MFSD1: variants seen among roughly 807,000 people sequenced by gnomAD.
MFSD1 encodes lysosomal dipeptide transporter MFSD1.
MFSD1 carries 59 observed loss-of-function variants against 67.1 expected under a neutral mutation model. The observed-to-expected ratio is 0.88, with a 90% CI of 0.71 to 1.09. The LOEUF (loss-of-function observed/expected upper bound fraction) is 1.09. Ranked by LOEUF, MFSD1 falls within the 50% of genes least tolerant of loss-of-function variation. MFSD1 has a pLI of 0.00. For synonymous variants in MFSD1, 213 were observed against 200.3 expected, an observed-to-expected ratio of 1.06 and a Z score of -0.54; for missense variants, 552 against 566.1, an observed-to-expected ratio of 0.97 and a Z score of 0.25.
chr3:158,809,467 C>G, intron 6 of MFSD1, among the ~76,000 whole-genome samples, 180 bp downstream of exon 6: 1 of 152,066 alleles, frequency 6.6e-6, no homozygotes, highest in Non-Finnish European at 1.5e-5. Context: ...AACCTTATTT[C>G]ATCTAGTAAA....
At chr3:158,825,965 C>A in intron 13 of MFSD1, 50 bp from the exon 14 acceptor site, 1 of 1,409,686 alleles carries the variant, frequency 7.1e-7, no homozygotes, top group South Asian at 1.2e-5. Flanking sequence ...ACATAGGAAT[C>A]ATTGAGAAGA....
At chr3:158,809,320 T>C (rs756980384) in intron 6 of MFSD1, 33 bp downstream of exon 6, 1 of 1,359,732 alleles carries the variant, frequency 7.4e-7, no homozygotes, top group South Asian at 1.2e-5. Flanking sequence ...TGAAGCCAAA[T>C]GGAAGCAAAA....
chr3:158,806,208 A>G (rs1213782151), intron 3 of MFSD1, among the ~76,000 whole-genome samples: 1 of 152,234 alleles, frequency 6.6e-6, no homozygotes, highest in East Asian at 1.9e-4. Flanking sequence ...AAAATTTTTG[A>G]AGAGTTAAAA....
chr3:158,805,381 C>T lies in MFSD1; in HGVS notation c.236C>T (p.Thr79Met), dbSNP rs140699673. Reference protein sequence around the residue: ...QVKRDMQVNTTKFMLLYAWYS... With the variant: ...QVKRDMQVNTMKFMLLYAWYS... ...ATATAGGATATGCAAGTGAATACCACGAAATTCATGCTGCTGTATGCCTGG... is the reference window on the plus strand; with the variant it reads ...ATATAGGATATGCAAGTGAATACCATGAAATTCATGCTGCTGTATGCCTGG... The change falls in exon 3 of 16, where the codon ACG (threonine) becomes ATG (methionine). Residue 79 changes from threonine to methionine, a missense_variant. By Grantham distance (81) the Thr-to-Met change is moderately conservative. Coordinates refer to ENST00000415822, the MANE Select transcript of MFSD1 (RefSeq NM_022736.4). 938 of 1,613,752 alleles carry T rather than the reference C, an allele frequency of 5.8e-4. 1 individual carries two copies. The highest frequency in any genetic ancestry group is 7.4e-4 in the Non-Finnish European group (870 of 1,179,796).
At chr3:158,817,247 A>C (rs1417876414) in intron 7 of MFSD1, among the ~76,000 whole-genome samples, 1 of 152,196 alleles carries the variant, frequency 6.6e-6, no homozygotes, top group East Asian at 1.9e-4. Flanking sequence ...AGTGCTGGCC[A>C]GGGCAATTAG....
At chr3:158,824,739 GT>G (rs1730868427) in intron 13 of MFSD1, among the ~76,000 whole-genome samples, 1 of 152,150 alleles carries the variant, frequency 6.6e-6, no homozygotes, top group South Asian at 2.1e-4. Context: ...TATAAATTGT[GT>G]TTATCTGAAA....
chr3:158,824,433 G>T, intron 13 of MFSD1, 197 bp downstream of exon 13: 2 of 516,246 alleles, frequency 3.9e-6, no homozygotes, highest in South Asian at 2.7e-5. Context: ...TGATTGAGTT[G>T]GTTTCATATT....
chr3:158,802,359 C>G, intron 1 of MFSD1, 44 bp downstream of exon 1: 1 of 1,606,154 alleles, frequency 6.2e-7, no homozygotes, highest in South Asian at 1.1e-5. Flanking sequence ...AAGGAATTCC[C>G]GACTTTCTCT....
Position 158,814,048 on chromosome 3 carries a change from C to G in MFSD1, c.633C>G (p.Leu211=). The stretch of plus-strand genomic sequence containing the variant: ...TAGGTTCTGCTGGTCACACAACCCT[C>G]GGGATCACACTTATGATTGGTGAGT... ...ALLGSAGHTT[L]GITLMIGGIT... Residue 211 remains leucine (L), a synonymous_variant, in exon 7 of 16, where the codon CTC becomes CTG. Coordinates refer to ENST00000415822, the MANE Select transcript of MFSD1 (RefSeq NM_022736.4). The G allele has an allele frequency of 6.2e-7, 1 of 1,613,396 alleles. No homozygotes were observed. The highest frequency in any genetic ancestry group is 8.5e-7 in the Non-Finnish European group (1 of 1,179,518).
At position 158,829,203 on chromosome 3, in the gene MFSD1, T is replaced by C; in HGVS notation, c.*221T>C. The C allele has an allele frequency of 2.7e-6, 1 of 373,548 alleles. No individual in the cohort carries two copies. The allele number at this position is 373,548 out of a possible 1,614,324, so 23.1% of individuals were successfully genotyped here. A position where few individuals can be genotyped will look rare whatever the true frequency, so the allele number is the denominator to read the frequency against. ...AAGAATTCTACTTTTAGTAGGCTAA[T>C]CAACAATGAAAGGGTTAGAAAATTG... On this transcript the variant is annotated 3_prime_UTR_variant, in exon 16 of 16. Transcript: ENST00000415822.
At chr3:158,808,994 C>G in intron 5 of MFSD1, 185 bp from the exon 6 acceptor site, 1 of 477,752 alleles carries the variant, frequency 2.1e-6, no homozygotes, top group Non-Finnish European at 3.7e-6. Flanking sequence ...TGGGATCACA[C>G]TGTCTCATTT....
chr3:158,827,237 A>T, intron 14 of MFSD1, 43 bp from the exon 15 acceptor site: 1 of 1,268,858 alleles, frequency 7.9e-7, no homozygotes, highest in South Asian at 1.4e-5. Context: ...TTACTTACTG[A>T]TAATACTTAT....
chr3:158,811,622 A>G (rs1166451777), intron 6 of MFSD1, among the ~76,000 whole-genome samples: 5 of 152,188 alleles, frequency 3.3e-5, no homozygotes, highest in Non-Finnish European at 7.3e-5. Flanking sequence ...GGCAAGGGGG[A>G]AACTATAGGC....
intron 1 of MFSD1, 89 bp from the exon 2 acceptor site, chr3:158,804,229 GC>G (rs1729603557): frequency 7.2e-6 from 6 of 835,364 alleles, no homozygotes; most frequent in Non-Finnish European, 9.5e-6. Context: ...CGTAGTATCA[GC>G]ATTTAAAATT....
At chr3:158,808,897 CT>C (rs1426114295) in intron 5 of MFSD1, 2 of 304,222 alleles carry the variant, frequency 6.6e-6, no homozygotes, top group African/African-American at 2.2e-5. Flanking sequence ...TTGTGGTTTG[CT>C]GTCTCATAGC....
chr3:158,820,428 A>G, intron 9 of MFSD1, 102 bp downstream of exon 9: 1 of 743,324 alleles, frequency 1.3e-6, no homozygotes, highest in East Asian at 2.5e-5. Flanking sequence ...TTCTCTGGTT[A>G]TAGTTTATAT....
At chr3:158,810,867 G>C (rs1416678156) in intron 6 of MFSD1, among the ~76,000 whole-genome samples, 2 of 152,048 alleles carry the variant, frequency 1.3e-5, no homozygotes, top group African/African-American at 4.8e-5. Context: ...TCTAAATTTT[G>C]CCTATAAGGA....
Position 158,802,169 on chromosome 3 carries a change from A to G in MFSD1, c.17A>G (p.Glu6Gly). The G allele has an allele frequency of 6.2e-7, 1 of 1,612,602 alleles. No homozygotes were observed. Among genetic ancestry groups the G allele is most frequent in the Non-Finnish European group, 8.5e-7 (1 of 1,179,644 alleles). ...GCGGGCGCAATGGAGGAGGAGGATG[A>G]GGAAGCGCGGGCGCTCCTGGCAGGC... MEEED[E>G]EARALLAGGP... The change falls in exon 1 of 16, where the codon GAG becomes GGG. Residue 6 changes from glutamate to glycine, a missense_variant. Transcript: ENST00000415822.
chr3:158,808,380 G>T (rs1729830489), intron 5 of MFSD1, among the ~76,000 whole-genome samples: 1 of 152,176 alleles, frequency 6.6e-6, no homozygotes, highest in Non-Finnish European at 1.5e-5. Flanking sequence ...GCCCTTGGAG[G>T]AGAATCGTAA....
Sources: gnomAD v4.1 joint callset for allele counts (sites outside exome capture counted in the v4.1 genomes callset) on GRCh38, gnomAD v4.1.1 for gene constraint, MANE v1.5 for transcripts, NCBI Gene and HGNC (gene_info 2026-07-23, HGNC 2026-07-21) for gene names.